The following RHBDD1 variants were observed in gnomAD, a reference collection of about 807,000 sequenced individuals.
RHBDD1 encodes the protein rhomboid-related protein 4.
Under a neutral mutation model 36.3 loss-of-function variants are expected in RHBDD1, and 38 were observed. The observed-to-expected ratio is 1.05, with a 90% CI of 0.81 to 1.37. The LOEUF (loss-of-function observed/expected upper bound fraction) is 1.37. RHBDD1 is among the 40% of genes most tolerant of loss of function. The pLI, the probability that RHBDD1 is intolerant of heterozygous loss-of-function variation, is 0.00. For missense variants in RHBDD1, 393 were observed against 377.6 expected (o/e 1.04, Z -0.34); for synonymous variants, 151 against 136.5 (o/e 1.11, Z -0.74).
chr2:226,988,294 T>C (rs1261408786), intron 8 of RHBDD1: 2 of 1,538,658 alleles, frequency 1.3e-6, no homozygotes, highest in Non-Finnish European at 1.8e-6. Flanking sequence ...TCTTCCCCTG[T>C]CCTTCCCTTC....
chr2:226,911,560 T>A (rs1229616114), intron 7 of RHBDD1, among the ~76,000 whole-genome samples: 3 of 150,590 alleles, frequency 2.0e-5, no homozygotes, highest in Non-Finnish European at 3.0e-5. Context: ...TTTTTTTTTT[T>A]TTTAATAAGG....
intron 5 of RHBDD1, among the ~76,000 whole-genome samples, chr2:226,879,280 G>C (rs553908757): frequency 2.0e-5 from 3 of 152,284 alleles, no homozygotes; most frequent in African/African-American, 7.2e-5. Flanking sequence ...TTAAATATGT[G>C]TGTGGGATCA....
the RHBDD1 span, among the ~76,000 whole-genome samples, chr2:226,828,840 A>G: frequency 6.6e-6 from 1 of 152,184 alleles, no homozygotes; most frequent in Non-Finnish European, 1.5e-5. Flanking sequence ...TTTTCTTCCA[A>G]TCTCTATCAT....
intron 4 of RHBDD1, among the ~76,000 whole-genome samples, chr2:226,865,622 C>G (rs557089105): frequency 6.6e-6 from 1 of 152,162 alleles, no homozygotes; most frequent in Non-Finnish European, 1.5e-5. Context: ...AGCCCATCTT[C>G]AAGGCTCAAA....
At chr2:226,934,569 G>A (rs1950223520) in intron 8 of RHBDD1, among the ~76,000 whole-genome samples, 1 of 152,082 alleles carries the variant, frequency 6.6e-6, no homozygotes, top group Non-Finnish European at 1.5e-5. Context: ...ATCATGCCAG[G>A]AATAATAATG....
intron 5 of RHBDD1, among the ~76,000 whole-genome samples, chr2:226,876,627 C>T (rs936716779): frequency 1.3e-5 from 2 of 152,114 alleles, no homozygotes; most frequent in Non-Finnish European, 2.9e-5. Context: ...CAATCAGGCC[C>T]CTAAATTCAT....
chr2:226,890,142 C>T (rs1946566540), intron 5 of RHBDD1, among the ~76,000 whole-genome samples: 1 of 152,174 alleles, frequency 6.6e-6, no homozygotes, highest in African/African-American at 2.4e-5. Context: ...ATGGAATCCC[C>T]TTGAAAGTGT....
chr2:226,883,659 A>G (rs1945966930), intron 5 of RHBDD1, among the ~76,000 whole-genome samples: 1 of 152,208 alleles, frequency 6.6e-6, no homozygotes, highest in Non-Finnish European at 1.5e-5. Flanking sequence ...TAGGCTTGTT[A>G]ATAATCAATT....
At chr2:226,905,513 A>C (rs1947980766) in intron 5 of RHBDD1, among the ~76,000 whole-genome samples, 1 of 152,164 alleles carries the variant, frequency 6.6e-6, no homozygotes, top group South Asian at 2.1e-4. Flanking sequence ...GGCAAGGCCA[A>C]GTGTTGGAAG....
At chr2:226,883,195 A>G (rs1258835340) in intron 5 of RHBDD1, among the ~76,000 whole-genome samples, 2 of 152,244 alleles carry the variant, frequency 1.3e-5, no homozygotes, top group South Asian at 2.1e-4. Flanking sequence ...ATTAACTCTC[A>G]TTGACCCTCA....
At chr2:226,866,455 G>A (rs555726305) in intron 4 of RHBDD1, among the ~76,000 whole-genome samples, 3 of 152,210 alleles carry the variant, frequency 2.0e-5, no homozygotes, top group Admixed American at 2.0e-4. Flanking sequence ...TTATAGATGA[G>A]GAAGCCAAGA....
chr2:226,961,357 T>C (rs774541835), intron 8 of RHBDD1, among the ~76,000 whole-genome samples: 6 of 152,170 alleles, frequency 3.9e-5, no homozygotes, highest in Non-Finnish European at 8.8e-5. Context: ...CTTACCTCTT[T>C]CTCTTTCTCC....
chr2:226,908,316 G>A (rs1052067014), intron 6 of RHBDD1: 1 of 152,642 alleles, frequency 6.6e-6, no homozygotes, highest in African/African-American at 2.4e-5. Flanking sequence ...CTGAGGGTGT[G>A]GCCCTTGGCC....
intron 8 of RHBDD1, among the ~76,000 whole-genome samples, chr2:226,993,716 T>C (rs756775359): frequency 4.6e-5 from 7 of 152,202 alleles, no homozygotes; most frequent in African/African-American, 7.2e-5. Flanking sequence ...ACTGGGATCT[T>C]CATCAGTAGA....
intron 5 of RHBDD1, among the ~76,000 whole-genome samples, chr2:226,879,488 G>A (rs887744671): frequency 5.9e-5 from 9 of 152,190 alleles, no homozygotes; most frequent in Non-Finnish European, 1.3e-4. Flanking sequence ...TGTGCTCACA[G>A]ATTTAGACTT....
At chr2:226,955,135 T>C (rs1448291588) in intron 8 of RHBDD1, among the ~76,000 whole-genome samples, 1 of 151,988 alleles carries the variant, frequency 6.6e-6, no homozygotes, top group Non-Finnish European at 1.5e-5. Context: ...TGTGAGCTCT[T>C]CTTTTGGATG....
At chr2:226,907,394 CT>C (rs1210111757) in intron 6 of RHBDD1, among the ~76,000 whole-genome samples, 2 of 152,048 alleles carry the variant, frequency 1.3e-5, no homozygotes, top group African/African-American at 4.8e-5. Flanking sequence ...TTAGCTCCTG[CT>C]TTTTTTAATT....
chr2:226,908,670 G>T lies in RHBDD1; in HGVS notation c.656-152G>T, dbSNP rs1948262917. On this transcript the variant is annotated intron_variant, in intron 6 of 8. Coordinates refer to ENST00000392062, the MANE Select transcript of RHBDD1 (RefSeq NM_001167608.3). ...ACACACTCTTTTCCAGTTAGGGCTG[G>T]CCCCCAAACAAAAGGGAGTTTATTT... 4.7e-6 allele frequency: 3 copies of T among 636,336 alleles called. No homozygotes were observed. In the South Asian group the frequency reaches 5.7e-5, roughly 12 times the overall value. 39.4% of individuals were successfully genotyped at this position (636,336 alleles called of 1,614,324 possible).
At chr2:226,838,469 A>G (rs149118798) in intron 2 of RHBDD1, among the ~76,000 whole-genome samples, 90 of 152,316 alleles carry the variant, frequency 5.9e-4, no homozygotes, top group African/African-American at 2.1e-3. Context: ...TGTACATTAG[A>G]CAAATTAACA....
Sources: allele counts gnomAD v4.1 joint callset (sites outside exome capture counted in the v4.1 genomes callset), GRCh38; gene constraint gnomAD v4.1.1; transcripts MANE v1.5; gene names NCBI Gene and HGNC (gene_info 2026-07-23, HGNC 2026-07-21).